Variants in PARD3 observed in about 807,000 individuals in gnomAD.
The protein encoded by PARD3 is par-3 family cell polarity regulator, also known as partitioning defective 3 homolog.
In PARD3, 75 loss-of-function variants were observed where a neutral mutation model predicts 155.4. The observed-to-expected ratio is 0.48, with a 90% CI of 0.40 to 0.58. The LOEUF (loss-of-function observed/expected upper bound fraction) is 0.58. Ranked by LOEUF, PARD3 falls within the 20% of genes least tolerant of loss-of-function variation. The pLI is 0.00. For synonymous variants in PARD3, 576 were observed against 610.5 expected (o/e 0.94, Z 0.83); for missense variants, 1,642 against 1,721.7 (o/e 0.95, Z 0.82).
At position 34,436,678 on chromosome 10, in the gene PARD3, A is replaced by G. The variant is rs546476315; in HGVS notation, c.714+13639T>C. 1.0e-3 allele frequency among the ~76,000 whole-genome samples: 154 copies of G among 152,354 alleles called. 1 individual carries two copies. Among genetic ancestry groups the G allele is most frequent in the Non-Finnish European group, 1.8e-3 (121 of 68,028 alleles). On this transcript the variant is annotated intron_variant, in intron 5 of 24. Transcript: ENST00000374788. ...TTATTTACTGCAGTATATTTATGCA[A>G]CAGCAAAGGATAGTAAATAACCTTA...
intron 2 of PARD3, among the ~76,000 whole-genome samples, chr10:34,680,140 C>T (rs1264292512): frequency 2.0e-5 from 3 of 151,938 alleles, no homozygotes; most frequent in Admixed American, 6.6e-5. Context: ...AAATAGGTCT[C>T]TAGAGAAAGT....
At chr10:34,676,672 A>T (rs1564493870) in intron 2 of PARD3, among the ~76,000 whole-genome samples, 1 of 152,202 alleles carries the variant, frequency 6.6e-6, no homozygotes, top group Non-Finnish European at 1.5e-5. Flanking sequence ...TTAATTAGAC[A>T]AATTAGGTTT....
At chr10:34,484,952 C>T (rs1311622657) in intron 3 of PARD3, among the ~76,000 whole-genome samples, 1 of 152,178 alleles carries the variant, frequency 6.6e-6, no homozygotes, top group African/African-American at 2.4e-5. Flanking sequence ...CCTTCCTCCT[C>T]ATTGGCAACC....
At chr10:34,354,817 G>A (rs544020224) in intron 14 of PARD3, among the ~76,000 whole-genome samples, 2 of 152,286 alleles carry the variant, frequency 1.3e-5, no homozygotes, top group South Asian at 4.2e-4. Context: ...ATGGAGACTG[G>A]TTGATCCTGG....
chr10:34,330,771 AT>A (rs1034786193), intron 19 of PARD3, among the ~76,000 whole-genome samples: 1 of 152,162 alleles, frequency 6.6e-6, no homozygotes, highest in Non-Finnish European at 1.5e-5. Flanking sequence ...TTACCAAAAA[AT>A]ATATATATTC....
intron 12 of PARD3, among the ~76,000 whole-genome samples, chr10:34,367,443 C>T (rs912762527): frequency 3.3e-5 from 5 of 152,050 alleles, no homozygotes; most frequent in African/African-American, 7.2e-5. Flanking sequence ...CAGTGGCTCA[C>T]GCCTGTAATC....
At chr10:34,243,555 T>C (rs1314547607) in intron 22 of PARD3, among the ~76,000 whole-genome samples, 1 of 152,202 alleles carries the variant, frequency 6.6e-6, no homozygotes, top group Non-Finnish European at 1.5e-5. Flanking sequence ...AATCATAATA[T>C]GGCCAGGCAC....
chr10:34,317,013 G>T, intron 20 of PARD3, 94 bp downstream of exon 20: 3 of 1,161,996 alleles, frequency 2.6e-6, no homozygotes, highest in Non-Finnish European at 2.4e-6. Context: ...GGGATTACAG[G>T]TGTGCACTAC....
At chr10:34,147,061 C>T (rs1368024105) in intron 22 of PARD3, among the ~76,000 whole-genome samples, 1 of 150,924 alleles carries the variant, frequency 6.6e-6, no homozygotes, top group Non-Finnish European at 1.5e-5. Context: ...AGGTCTCATC[C>T]ATCTTGAAAA....
intron 1 of PARD3, among the ~76,000 whole-genome samples, chr10:34,733,520 G>T (rs1175458780): frequency 6.6e-6 from 1 of 151,888 alleles, no homozygotes; most frequent in African/African-American, 2.4e-5. Flanking sequence ...GTCTCACTCT[G>T]TCACCCAGGC....
intron 2 of PARD3, among the ~76,000 whole-genome samples, chr10:34,599,000 G>A (rs1355866358): frequency 2.6e-5 from 4 of 151,970 alleles, no homozygotes; most frequent in Admixed American, 6.6e-5. Flanking sequence ...CCCAACACCA[G>A]GAATATCCCT....
At chr10:34,228,945 A>T (rs1952768657) in intron 22 of PARD3, among the ~76,000 whole-genome samples, 1 of 151,990 alleles carries the variant, frequency 6.6e-6, no homozygotes, top group African/African-American at 2.4e-5. Flanking sequence ...GTCTGAGATC[A>T]CACTTCTTTC....
intron 4 of PARD3, among the ~76,000 whole-genome samples, chr10:34,456,758 T>C (rs551424943): frequency 1.1e-3 from 172 of 152,324 alleles, no homozygotes; most frequent in African/African-American, 4.0e-3. Flanking sequence ...TCCTTTGAAA[T>C]GTTAAAGGTA....
At chr10:34,607,305 T>C (rs2090544834) in intron 2 of PARD3, among the ~76,000 whole-genome samples, 1 of 152,140 alleles carries the variant, frequency 6.6e-6, no homozygotes, top group South Asian at 2.1e-4. Context: ...TACACACAAA[T>C]ATGCTAAAAA....
intron 22 of PARD3, among the ~76,000 whole-genome samples, chr10:34,196,554 CTT>C (rs555419053): frequency 6.3e-4 from 90 of 143,286 alleles, no homozygotes; most frequent in Non-Finnish European, 5.2e-4. Context: ...GTTACAAATA[CTT>C]TGTACCCTTT....
At chr10:34,576,526 G>C (rs1200842494) in intron 2 of PARD3, among the ~76,000 whole-genome samples, 1 of 151,638 alleles carries the variant, frequency 6.6e-6, no homozygotes, top group Non-Finnish European at 1.5e-5. Flanking sequence ...AAAAAAAAAA[G>C]ACAAAAGCTT....
At chr10:34,329,298 A>G (rs1343502504) in intron 19 of PARD3, among the ~76,000 whole-genome samples, 1 of 152,190 alleles carries the variant, frequency 6.6e-6, no homozygotes, top group African/African-American at 2.4e-5. Context: ...AAAATTAAAT[A>G]ACATTTTAAC....
chr10:34,808,311 A>G (rs1317424588), intron 1 of PARD3, among the ~76,000 whole-genome samples: 1 of 151,920 alleles, frequency 6.6e-6, no homozygotes, highest in African/African-American at 2.4e-5. Flanking sequence ...CCCTGTCTCA[A>G]AAAAAACAAA....
intron 12 of PARD3, among the ~76,000 whole-genome samples, chr10:34,369,610 C>T (rs755558274): frequency 9.2e-5 from 14 of 152,074 alleles, no homozygotes; most frequent in Non-Finnish European, 1.8e-4. Flanking sequence ...TTTTGTAAGC[C>T]TGTATAAATC....
Sources: allele counts gnomAD v4.1 joint callset (sites outside exome capture counted in the v4.1 genomes callset), GRCh38; gene constraint gnomAD v4.1.1; transcripts MANE v1.5; gene names NCBI Gene and HGNC (gene_info 2026-07-23, HGNC 2026-07-21).